PTPN13: variants seen among roughly 807,000 people sequenced by gnomAD.
The protein encoded by PTPN13 is tyrosine-protein phosphatase non-receptor type 13.
PTPN13 carries 191 observed loss-of-function variants against 284.0 expected under a neutral mutation model. The observed-to-expected ratio is 0.67, with a 90% CI of 0.60 to 0.76. The LOEUF is 0.76. Ranked by LOEUF, PTPN13 falls within the 30% of genes least tolerant of loss-of-function variation. The probability of loss-of-function intolerance (pLI) is 0.00; values close to 1 mark genes in which losing one functional copy is unlikely to be tolerated. For synonymous variants in PTPN13, 986 were observed against 1,022.3 expected, an observed-to-expected ratio of 0.96 and a Z score of 0.68; for missense variants, 2,797 against 2,939.9, an observed-to-expected ratio of 0.95 and a Z score of 1.12.
chr4:86,644,383 G>A (rs745688351), intron 2 of PTPN13, among the ~76,000 whole-genome samples: 4 of 152,170 alleles, frequency 2.6e-5, no homozygotes, highest in Non-Finnish European at 4.4e-5. Context: ...CAAGCGACCC[G>A]CTCGCATCAG....
chr4:86,696,929 C>T lies in PTPN13; in HGVS notation c.634+3255C>T, dbSNP rs542741534. Among the ~76,000 whole-genome samples the T allele has an allele frequency of 3.0e-4, 45 of 152,028 alleles. 1 individual carries two copies. Among genetic ancestry groups the T allele is most frequent in the African/African-American group, 1.1e-3 (45 of 41,508 alleles). ...GACCTTCTTAACCATCAGTGCTTTG[C>T]ACAGTAGTATTGCACAAGTGCTCTT... On this transcript the variant is annotated intron_variant, in intron 6 of 47. Coordinates refer to ENST00000411767, the MANE Select transcript of PTPN13 (RefSeq NM_080683.3).
chr4:86,755,682 G>A (rs952897666), intron 20 of PTPN13, among the ~76,000 whole-genome samples: 8 of 151,986 alleles, frequency 5.3e-5, no homozygotes, highest in African/African-American at 1.9e-4. Context: ...TAAATTACAT[G>A]AGATAGTAAC....
Position 86,762,853 on chromosome 4 carries a change from A to G in PTPN13, c.3680A>G (p.His1227Arg), listed in dbSNP as rs749497265. The change falls in exon 24 of 48, where the codon CAC becomes CGC. Residue 1227 changes from histidine to arginine, a missense_variant. Coordinates refer to ENST00000411767, the MANE Select transcript of PTPN13 (RefSeq NM_080683.3). ...DHHWSRGTLR[H>R]ISENSFGPSG... ...CACTGGTCACGTGGTACCCTGAGGC[A>G]CATCTCGGAGAACTCCTTTGGGCCA... The G allele has an allele frequency of 1.3e-5, 21 of 1,613,850 alleles. 1 individual carries two copies. The highest frequency in any genetic ancestry group is 1.8e-5 in the Non-Finnish European group (21 of 1,179,868).
At chr4:86,706,989 T>C (rs1187721340) in intron 7 of PTPN13, among the ~76,000 whole-genome samples, 1 of 152,234 alleles carries the variant, frequency 6.6e-6, no homozygotes, top group Non-Finnish European at 1.5e-5. Context: ...TGAGTAGTTG[T>C]CTGTTTTCTA....
chr4:86,637,580 A>G (rs1430989781), intron 2 of PTPN13, among the ~76,000 whole-genome samples: 1 of 151,964 alleles, frequency 6.6e-6, no homozygotes, highest in Non-Finnish European at 1.5e-5. Context: ...GACAAAAACC[A>G]CATGATTATC....
intron 6 of PTPN13, among the ~76,000 whole-genome samples, chr4:86,698,554 A>G (rs1187427698): frequency 2.6e-5 from 4 of 152,188 alleles, no homozygotes; most frequent in Admixed American, 6.5e-5. Context: ...AGGAAATCCA[A>G]CATTTGGATA....
chr4:86,710,283 G>A (rs1284168017), intron 7 of PTPN13, among the ~76,000 whole-genome samples: 2 of 152,130 alleles, frequency 1.3e-5, no homozygotes, highest in African/African-American at 2.4e-5. Context: ...ACTTGTGTCT[G>A]TAATTTGGGT....
rs1737338372 is a variant in PTPN13 at position 86,751,137 on chromosome 4, A to G, written c.3166+13A>G. 2.0e-6 allele frequency: 3 copies of G among 1,522,968 alleles called. No homozygotes were observed. Among genetic ancestry groups the G allele is most frequent in the South Asian group, 2.3e-5 (2 of 87,354 alleles). 94.3% of individuals were successfully genotyped at this position (1,522,968 alleles called of 1,614,324 possible). On this transcript the variant is annotated intron_variant, in intron 19 of 47. Transcript: ENST00000411767. ...GCATATGTTCTAGGTCAGCAAAAAC[A>G]AGCTTACCTTCTTTGTCCCATACCT...
intron 1 of PTPN13, among the ~76,000 whole-genome samples, chr4:86,626,596 A>G (rs1344851996): frequency 6.6e-6 from 1 of 152,086 alleles, no homozygotes; most frequent in Non-Finnish European, 1.5e-5. Context: ...AATCTTCTAC[A>G]CCTCTAATAG....
intron 23 of PTPN13, among the ~76,000 whole-genome samples, chr4:86,760,520 G>C (rs1367122652): frequency 1.3e-5 from 2 of 152,188 alleles, no homozygotes; most frequent in Non-Finnish European, 2.9e-5. Context: ...TTCAGTGCCT[G>C]TGATGTGCAA....
At chr4:86,651,736 C>T (rs1725108488) in intron 2 of PTPN13, among the ~76,000 whole-genome samples, 2 of 152,030 alleles carry the variant, frequency 1.3e-5, no homozygotes, top group African/African-American at 4.8e-5. Context: ...GGAATTGATC[C>T]ATTTCTTCTA....
chr4:86,644,378 G>A (rs1455703970), intron 2 of PTPN13, among the ~76,000 whole-genome samples: 1 of 152,138 alleles, frequency 6.6e-6, no homozygotes, highest in African/African-American at 2.4e-5. Flanking sequence ...GCCCTCAAGC[G>A]ACCCGCTCGC....
intron 47 of PTPN13, among the ~76,000 whole-genome samples, chr4:86,813,071 A>G (rs1745419810): frequency 6.6e-6 from 1 of 152,204 alleles, no homozygotes; most frequent in Non-Finnish European, 1.5e-5. Context: ...GTTAAAATAC[A>G]GATAAGCAAA....
At chr4:86,672,325 C>A in intron 2 of PTPN13, 40 bp from the exon 3 acceptor site, 10 of 1,448,032 alleles carry the variant, frequency 6.9e-6, no homozygotes, top group Non-Finnish European at 9.2e-6. Context: ...CAATTTTCTT[C>A]TTTTTTTTTA....
intron 3 of PTPN13, among the ~76,000 whole-genome samples, chr4:86,673,289 T>G (rs1225565564): frequency 6.6e-6 from 1 of 152,132 alleles, no homozygotes; most frequent in Non-Finnish European, 1.5e-5. Flanking sequence ...AGCAATTAAT[T>G]TTTAGTGTAG....
chr4:86,637,073 A>C (rs183818409), intron 2 of PTPN13, among the ~76,000 whole-genome samples: 5 of 152,296 alleles, frequency 3.3e-5, no homozygotes, highest in African/African-American at 1.2e-4. Context: ...AAACTAGAAA[A>C]TCCAGAAGAA....
rs1565361498 is a variant in PTPN13, at chr4:86,701,696, C to T, written c.1090C>T (p.His364Tyr). 6.2e-7 allele frequency: 1 copy of T among 1,613,872 alleles called. No individual in the cohort carries two copies. Among genetic ancestry groups the T allele is most frequent in the Admixed American group, 1.7e-5 (1 of 60,018 alleles). ...CCCTCAGAAAATGGATCCAATATAT[C>T]ACACTCGAGAATTGCCCACCTCCTC... Reference protein sequence around the residue: ...FGPQKMDPIYHTRELPTSSAI... With the variant: ...FGPQKMDPIYYTRELPTSSAI... Residue 364 changes from histidine to tyrosine, a missense_variant, in exon 7 of 48, where the codon CAC becomes TAC. His to Tyr is a moderately conservative substitution (Grantham distance 83). Transcript: ENST00000411767.
At chr4:86,802,433 T>A (rs1744136177) in intron 42 of PTPN13, among the ~76,000 whole-genome samples, 1 of 152,140 alleles carries the variant, frequency 6.6e-6, no homozygotes, top group Admixed American at 6.5e-5. Flanking sequence ...CTGCCCATGA[T>A]AAACCCCTTA....
intron 29 of PTPN13, 46 bp downstream of exon 29, chr4:86,770,029 G>A (rs558376867): frequency 6.2e-7 from 1 of 1,611,386 alleles, no homozygotes; most frequent in Non-Finnish European, 8.5e-7. Context: ...TGATGAGATG[G>A]ATTGGCCTTT....
Sources: gnomAD v4.1 joint callset for allele counts (sites outside exome capture counted in the v4.1 genomes callset) on GRCh38, gnomAD v4.1.1 for gene constraint, MANE v1.5 for transcripts, NCBI Gene and HGNC (gene_info 2026-07-23, HGNC 2026-07-21) for gene names.